Variants in SYTL5 observed in about 807,000 individuals in gnomAD.
SYTL5 encodes synaptotagmin like 5.
Under a neutral mutation model 55.9 loss-of-function variants are expected in SYTL5, and 34 were observed. That is an observed-to-expected ratio of 0.61 (90% CI 0.46 to 0.81). The LOEUF (loss-of-function observed/expected upper bound fraction) is 0.81. SYTL5 is among the 30% of genes least tolerant of loss of function. The probability of loss-of-function intolerance (pLI) is 0.00; values close to 1 mark genes in which losing one functional copy is unlikely to be tolerated. For synonymous variants in SYTL5, 221 were observed against 188.7 expected (o/e 1.17, Z -1.40); for missense variants, 637 against 546.7 (o/e 1.17, Z -1.65).
At chrX:37,894,478 C>G in the SYTL5 span, among the ~76,000 whole-genome samples, 1 of 111,387 alleles carries the variant, frequency 9.0e-6, no homozygotes, top group Non-Finnish European at 1.9e-5. Context: ...TGGCTAGATA[C>G]TACTGTTAAA....
chrX:38,027,153 A>G (rs1480986121), intron 1 of SYTL5, among the ~76,000 whole-genome samples: 1 of 112,217 alleles, frequency 8.9e-6, no homozygotes, highest in Non-Finnish European at 1.9e-5. Context: ...ACAAAAGGTG[A>G]TATCTGGAAG....
upstream of SYTL5, among the ~76,000 whole-genome samples, chrX:38,003,618 G>A (rs769031968): frequency 8.9e-6 from 1 of 111,886 alleles, no homozygotes; most frequent in East Asian, 2.8e-4. Context: ...TCATGGGTAG[G>A]AAGAATATAT....
chrX:37,908,059 G>C, the SYTL5 span, among the ~76,000 whole-genome samples: 1 of 107,596 alleles, frequency 9.3e-6, no homozygotes, highest in Admixed American at 9.9e-5. Context: ...TAAAGCTGCA[G>C]TGAGCTATGA....
chrX:38,028,806 A>G (rs73632426), intron 1 of SYTL5, among the ~76,000 whole-genome samples: 7,167 of 111,702 alleles, frequency 0.064, 211 homozygotes, highest in Middle Eastern at 0.11. Flanking sequence ...CACCTTTTAA[A>G]TAGGATTAAA....
chrX:37,965,552 C>T, the SYTL5 span, among the ~76,000 whole-genome samples: 1 of 111,397 alleles, frequency 9.0e-6, no homozygotes, highest in Non-Finnish European at 1.9e-5. Flanking sequence ...AAATTTTTCT[C>T]TGTGTGCTTT....
At chrX:38,030,897 C>G (rs1050190936) in intron 1 of SYTL5, among the ~76,000 whole-genome samples, 2 of 111,875 alleles carry the variant, frequency 1.8e-5, no homozygotes, top group African/African-American at 6.5e-5. Context: ...AAGGTGGAGA[C>G]CAAGAGAAAG....
Position 38,126,601 on chromosome X carries a change from G to A in SYTL5, c.2064G>A (p.Gly688=). The A allele has an allele frequency of 8.3e-7, 1 of 1,211,440 alleles. No homozygotes were observed. The part of the protein sequence containing the change: ...RLNSGSGVSH[G]KNVDWMDSQG... ...TCGCCTCTTCAGGTGTGAGCCATGGGAAGAACGTGGATTGGATGGACTCTC... is the reference window on the plus strand; with the variant it reads ...TCGCCTCTTCAGGTGTGAGCCATGGAAAGAACGTGGATTGGATGGACTCTC... The change falls in exon 17 of 17, where the codon GGG becomes GGA. Residue 688 remains glycine, a synonymous_variant. Transcript: ENST00000297875.
chrX:37,988,537 T>C, the SYTL5 span, among the ~76,000 whole-genome samples: 2 of 112,358 alleles, frequency 1.8e-5, no homozygotes, highest in Admixed American at 1.9e-4. Context: ...ATAATAGCTA[T>C]AGACTGGAAT....
intron 13 of SYTL5, among the ~76,000 whole-genome samples, chrX:38,118,926 TATATATATATATATGTACGCATATAC>T (rs1937535570): frequency 1.1e-5 from 1 of 93,207 alleles, no homozygotes; most frequent in African/African-American, 4.2e-5. Flanking sequence ...AGCTAATATA[TATATATATATATATGTACGCATATAC>T]ATATATATAT....
At chrX:38,077,430 G>A (rs763699473) in intron 6 of SYTL5, among the ~76,000 whole-genome samples, 1 of 111,382 alleles carries the variant, frequency 9.0e-6, no homozygotes, top group East Asian at 2.8e-4. Flanking sequence ...GGGTAATTTT[G>A]CAAGCCAGAT....
the SYTL5 span, among the ~76,000 whole-genome samples, chrX:37,926,574 T>C: frequency 8.9e-6 from 1 of 111,756 alleles, no homozygotes; most frequent in South Asian, 3.7e-4. Flanking sequence ...GATTTTTCTA[T>C]TGGTTTTAGT....
At chrX:37,928,658 T>A in the SYTL5 span, among the ~76,000 whole-genome samples, 2 of 112,138 alleles carry the variant, frequency 1.8e-5, no homozygotes, top group African/African-American at 6.5e-5. Context: ...ATCATAGGAT[T>A]GTATAAGACA....
the SYTL5 span, among the ~76,000 whole-genome samples, chrX:37,973,621 G>A: frequency 9.6e-6 from 1 of 104,456 alleles, no homozygotes; most frequent in African/African-American, 3.9e-5. Flanking sequence ...TAGTACCAGA[G>A]GAGCAATATA....
At chrX:37,979,596 C>T in the SYTL5 span, among the ~76,000 whole-genome samples, 2 of 101,512 alleles carry the variant, frequency 2.0e-5, no homozygotes, top group African/African-American at 3.6e-5. Context: ...ATAATAACCA[C>T]TCTCCACTTT....
chrX:37,971,421 A>T, the SYTL5 span, among the ~76,000 whole-genome samples: 1 of 111,301 alleles, frequency 9.0e-6, no homozygotes, highest in Non-Finnish European at 1.9e-5. Context: ...GAAGTCTATT[A>T]TAAAGGCCTT....
rs149107610 is a variant in SYTL5 at position 38,047,330 on chromosome X, G to A, written c.120-6883G>A. Among the ~76,000 whole-genome samples, 246 of 113,032 alleles carry A rather than the reference G, an allele frequency of 2.2e-3. 1 individual carries two copies. The highest frequency in any genetic ancestry group is 7.3e-3 in the African/African-American group (229 of 31,185). ...TACATCCTCTGAAATCTATGCAAAG[G>A]TTCCCAAACCCCAATTCTTGACTTC... On this transcript the variant is annotated intron_variant, in intron 2 of 16. Coordinates refer to ENST00000297875, the MANE Select transcript of SYTL5 (RefSeq NM_138780.3).
chrX:38,047,422 G>A (rs5964289), intron 2 of SYTL5, among the ~76,000 whole-genome samples: 26,544 of 112,435 alleles, frequency 0.24, 5,319 homozygotes, highest in African/African-American at 0.66. Flanking sequence ...CTCTGAAGCC[G>A]TGGTCTGAGC....
chrX:37,944,267 A>C, the SYTL5 span, among the ~76,000 whole-genome samples: 1 of 110,558 alleles, frequency 9.0e-6, no homozygotes, highest in Middle Eastern at 4.2e-3. Context: ...TCTGTTTTGG[A>C]AATGATGTAC....
the SYTL5 span, among the ~76,000 whole-genome samples, chrX:37,891,305 GAACT>G: frequency 8.9e-6 from 1 of 112,174 alleles, no homozygotes; most frequent in Non-Finnish European, 1.9e-5. Flanking sequence ...CAAAATAAAC[GAACT>G]AAGTATGGAT....
Sources: allele counts gnomAD v4.1 joint callset (sites outside exome capture counted in the v4.1 genomes callset), GRCh38; gene constraint gnomAD v4.1.1; transcripts MANE v1.5; gene names NCBI Gene and HGNC (gene_info 2026-07-23, HGNC 2026-07-21).